Variants in CPQ observed in about 807,000 individuals in gnomAD.
CPQ encodes carboxypeptidase Q.
CPQ carries 37 observed loss-of-function variants against 45.7 expected under a neutral mutation model. That is an observed-to-expected ratio of 0.81 (90% CI 0.62 to 1.07). The LOEUF (loss-of-function observed/expected upper bound fraction) is 1.07. CPQ is among the 50% of genes least tolerant of loss of function. CPQ has a pLI of 0.00. For missense variants in CPQ, 537 were observed against 572.9 expected (o/e 0.94, Z 0.64); for synonymous variants, 186 against 205.8 (o/e 0.90, Z 0.82).
intron 3 of CPQ, among the ~76,000 whole-genome samples, chr8:96,844,313 A>C (rs1374459709): frequency 6.6e-6 from 1 of 152,206 alleles, no homozygotes; most frequent in Non-Finnish European, 1.5e-5. Context: ...CATCAGTTCA[A>C]GATGACTCTT....
chr8:96,952,171 T>C (rs998462906), intron 4 of CPQ, among the ~76,000 whole-genome samples: 1 of 152,090 alleles, frequency 6.6e-6, no homozygotes, highest in South Asian at 2.1e-4. Context: ...TAAAAGGTCA[T>C]GCATTAGAAA....
At chr8:96,785,638 A>G (rs1015994015) in intron 2 of CPQ, among the ~76,000 whole-genome samples, 2 of 152,206 alleles carry the variant, frequency 1.3e-5, no homozygotes, top group Non-Finnish European at 2.9e-5. Context: ...TAATTGAAAT[A>G]TACATAAACA....
At chr8:96,666,043 G>A (rs1808921122) in intron 1 of CPQ, among the ~76,000 whole-genome samples, 2 of 152,122 alleles carry the variant, frequency 1.3e-5, no homozygotes, top group Non-Finnish European at 2.9e-5. Context: ...AGGAGTGAGG[G>A]AAAGAGCCTT....
intron 3 of CPQ, among the ~76,000 whole-genome samples, chr8:96,849,241 T>C (rs1351419768): frequency 6.6e-6 from 1 of 152,212 alleles, no homozygotes; most frequent in Non-Finnish European, 1.5e-5. Context: ...TTACTGAACC[T>C]ATTCTTGATA....
intron 1 of CPQ, among the ~76,000 whole-genome samples, chr8:96,684,708 C>T (rs1809202897): frequency 6.6e-6 from 1 of 152,020 alleles, no homozygotes; most frequent in South Asian, 2.1e-4. Context: ...GGATTATGTG[C>T]ACAGATACCA....
chr8:96,730,847 G>T (rs1317773333), intron 1 of CPQ, among the ~76,000 whole-genome samples: 8 of 66,152 alleles, frequency 1.2e-4, no homozygotes, highest in African/African-American at 4.1e-4. Flanking sequence ...CACTGATCTA[G>T]ATCAATTAAC....
At chr8:97,070,908 T>C (rs1810729538) in intron 7 of CPQ, among the ~76,000 whole-genome samples, 1 of 152,210 alleles carries the variant, frequency 6.6e-6, no homozygotes, top group Non-Finnish European at 1.5e-5. Flanking sequence ...CAATGAGGTA[T>C]AATCCATGGT....
intron 1 of CPQ, among the ~76,000 whole-genome samples, chr8:96,766,230 T>C (rs566582732): frequency 3.1e-4 from 47 of 152,314 alleles, no homozygotes; most frequent in African/African-American, 1.1e-3. Context: ...TTGGTTTTCA[T>C]CTTTCCTTTC....
chr8:96,759,048 G>C, intron 1 of CPQ, among the ~76,000 whole-genome samples: 1 of 152,178 alleles, frequency 6.6e-6, no homozygotes, highest in East Asian at 1.9e-4. Context: ...TCTACGGAGA[G>C]CTTGGAACTC....
chr8:96,700,773 G>A (rs941653796), intron 1 of CPQ, among the ~76,000 whole-genome samples: 4 of 152,222 alleles, frequency 2.6e-5, no homozygotes, highest in Non-Finnish European at 2.9e-5. Flanking sequence ...AGGAGGTACA[G>A]AGGACACAGA....
At chr8:96,657,499 A>C (rs895024516) in intron 1 of CPQ, among the ~76,000 whole-genome samples, 12 of 152,156 alleles carry the variant, frequency 7.9e-5, no homozygotes, top group Admixed American at 6.5e-4. Context: ...CAAGTTTGTA[A>C]GTTTTCACAA....
At chr8:96,984,910 T>G (rs902462901) in intron 5 of CPQ, among the ~76,000 whole-genome samples, 4 of 152,214 alleles carry the variant, frequency 2.6e-5, no homozygotes, top group African/African-American at 9.6e-5. Context: ...GATATGTTTA[T>G]GAACTATTAT....
intron 4 of CPQ, among the ~76,000 whole-genome samples, chr8:96,961,378 T>G (rs1192008011): frequency 6.6e-6 from 1 of 152,216 alleles, no homozygotes; most frequent in African/African-American, 2.4e-5. Flanking sequence ...GTGTTTTGCC[T>G]ATTTGCTTTT....
At position 96,930,002 on chromosome 8, in the gene CPQ, G is replaced by A. The variant is rs181627739; in HGVS notation, c.850-35933G>A. Among the ~76,000 whole-genome samples the A allele has an allele frequency of 1.6e-3, 247 of 152,234 alleles. 3 individuals are homozygous for A. Among genetic ancestry groups the A allele is most frequent in the Admixed American group, 0.01 (156 of 15,276 alleles). On this transcript the variant is annotated intron_variant, in intron 4 of 7. Transcript: ENST00000220763. Reference sequence around the variant, plus strand: ...TGGAGCAGTGAAAAAACCAAGAGGCGAGAATTTTGTCCTCTCTGAACTTCT... The same window carrying A: ...TGGAGCAGTGAAAAAACCAAGAGGCAAGAATTTTGTCCTCTCTGAACTTCT...
chr8:96,948,092 A>G (rs962529014), intron 4 of CPQ, among the ~76,000 whole-genome samples: 1 of 151,988 alleles, frequency 6.6e-6, no homozygotes, highest in African/African-American at 2.4e-5. Flanking sequence ...GCTTCTTCCT[A>G]GAAATTCAAA....
At chr8:96,927,025 A>T (rs919808399) in intron 4 of CPQ, among the ~76,000 whole-genome samples, 2 of 152,264 alleles carry the variant, frequency 1.3e-5, no homozygotes, top group Non-Finnish European at 2.9e-5. Flanking sequence ...AAGCTGCAAC[A>T]TGAGAAATTT....
intron 6 of CPQ, among the ~76,000 whole-genome samples, chr8:97,061,815 A>G (rs1405967116): frequency 6.6e-6 from 1 of 152,144 alleles, no homozygotes; most frequent in African/African-American, 2.4e-5. Context: ...GCTACTGTTT[A>G]CCAAGTGCTA....
intron 7 of CPQ, among the ~76,000 whole-genome samples, chr8:97,072,611 T>C (rs1191387429): frequency 6.6e-6 from 1 of 152,168 alleles, no homozygotes; most frequent in Non-Finnish European, 1.5e-5. Flanking sequence ...CTCCTTTCTA[T>C]CCATCTCTCA....
chr8:97,089,243 C>A (rs906079851), intron 7 of CPQ, among the ~76,000 whole-genome samples: 282 of 122,180 alleles, frequency 2.3e-3, no homozygotes, highest in Middle Eastern at 4.2e-3. Context: ...AGCTCAGTCT[C>A]AAAAAAAAAA....
Sources: gnomAD v4.1 joint callset for allele counts (sites outside exome capture counted in the v4.1 genomes callset) on GRCh38, gnomAD v4.1.1 for gene constraint, MANE v1.5 for transcripts, NCBI Gene and HGNC (gene_info 2026-07-23, HGNC 2026-07-21) for gene names.